The following CCSER1 variants were observed in gnomAD, a reference collection of about 807,000 sequenced individuals.
CCSER1 encodes coiled-coil serine rich protein 1, also known as serine-rich coiled-coil domain-containing protein 1.
A neutral mutation model predicts 82.0 loss-of-function variants in CCSER1; 41 were observed. The ratio of observed to expected loss-of-function variants is 0.50; its 90% confidence interval spans 0.39 to 0.65. The LOEUF (loss-of-function observed/expected upper bound fraction) is 0.65. Among genes scored for constraint, CCSER1 ranks in the 30% least tolerant of loss-of-function variants. CCSER1 has a pLI of 0.00. For missense variants in CCSER1, 1,119 were observed against 1,064.2 expected (o/e 1.05, Z -0.72); for synonymous variants, 414 against 383.9 (o/e 1.08, Z -0.92).
Position 91,284,878 on chromosome 4 carries a change from T to C in CCSER1, c.2217+198884T>C, listed in dbSNP as rs181966663. On this transcript the variant is annotated intron_variant, in intron 10 of 10. Transcript: ENST00000509176. ...GATGACATTCACTGAGAAGGATCCG[T>C]GAATCACTTCAACAAAAAATGCAGG... Among the ~76,000 whole-genome samples the C allele has an allele frequency of 5.8e-4, 88 of 152,192 alleles. 1 individual carries two copies. The highest frequency in any genetic ancestry group is 1.0e-4 in the Non-Finnish European group (7 of 67,980).
At chr4:91,482,271 A>G (rs3971342) in intron 10 of CCSER1, among the ~76,000 whole-genome samples, 54,476 of 73,604 alleles carry the variant, frequency 0.74, 21,009 homozygotes, top group East Asian at 0.88. Context: ...GCGCGGTGGC[A>G]GGCACCTGTA....
At chr4:90,964,740 A>AAC (rs1554051172) in intron 9 of CCSER1, among the ~76,000 whole-genome samples, 9 of 149,446 alleles carry the variant, frequency 6.0e-5, no homozygotes, top group Admixed American at 2.7e-4. Flanking sequence ...CCAAAAAAAA[A>AAC]AAAAAAAAAA....
At chr4:90,419,083 A>C (rs1756267310) in intron 4 of CCSER1, among the ~76,000 whole-genome samples, 1 of 152,006 alleles carries the variant, frequency 6.6e-6, no homozygotes, top group Non-Finnish European at 1.5e-5. Flanking sequence ...TACTGTTTCC[A>C]CTATAAAAGC....
chr4:90,227,578 A>G (rs1361615727), intron 1 of CCSER1, among the ~76,000 whole-genome samples: 1 of 152,226 alleles, frequency 6.6e-6, no homozygotes, highest in Non-Finnish European at 1.5e-5. Flanking sequence ...AGCAAGTAGC[A>G]TTAACATTGA....
chr4:90,897,459 GA>G (rs1175610634), intron 8 of CCSER1, among the ~76,000 whole-genome samples: 4 of 152,040 alleles, frequency 2.6e-5, no homozygotes, highest in Admixed American at 6.6e-5. Flanking sequence ...TTGCTGTGAA[GA>G]ACATAATTTC....
At chr4:91,568,501 G>T (rs750618537) in intron 10 of CCSER1, among the ~76,000 whole-genome samples, 2 of 151,868 alleles carry the variant, frequency 1.3e-5, no homozygotes, top group African/African-American at 2.4e-5. Flanking sequence ...CATTGATTTG[G>T]CCTCTTCATA....
chr4:91,144,758 AATTGC>A (rs1220343837), intron 10 of CCSER1, among the ~76,000 whole-genome samples: 1 of 151,722 alleles, frequency 6.6e-6, no homozygotes, highest in Non-Finnish European at 1.5e-5. Flanking sequence ...GTTTCTGTGT[AATTGC>A]ATGGTTTTTC....
intron 10 of CCSER1, among the ~76,000 whole-genome samples, chr4:91,364,778 A>G (rs529633402): frequency 2.0e-5 from 3 of 152,184 alleles, no homozygotes; most frequent in African/African-American, 2.4e-5. Context: ...AATTTTGGAG[A>G]TATTTATCAT....
chr4:91,305,354 T>C (rs1165702383), intron 10 of CCSER1, among the ~76,000 whole-genome samples: 1 of 152,008 alleles, frequency 6.6e-6, no homozygotes, highest in Non-Finnish European at 1.5e-5. Context: ...ATGCAAAATA[T>C]TTGTAGAAAA....
At chr4:91,091,241 C>T (rs549945483) in intron 10 of CCSER1, among the ~76,000 whole-genome samples, 4 of 152,250 alleles carry the variant, frequency 2.6e-5, no homozygotes, top group African/African-American at 7.2e-5. Context: ...TTACTTGTAT[C>T]ATTTATGAGT....
intron 4 of CCSER1, among the ~76,000 whole-genome samples, chr4:90,453,176 T>G (rs1486454609): frequency 2.6e-5 from 4 of 152,168 alleles, no homozygotes; most frequent in Non-Finnish European, 5.9e-5. Flanking sequence ...AATTCTTGAA[T>G]GCAAACAAAT....
intron 3 of CCSER1, among the ~76,000 whole-genome samples, chr4:90,379,517 TC>T (rs994314533): frequency 9.2e-5 from 14 of 152,148 alleles, no homozygotes; most frequent in African/African-American, 3.4e-4. Context: ...TGCAATGCTT[TC>T]CCACATGATT....
At chr4:90,444,245 G>T (rs1475240378) in intron 4 of CCSER1, among the ~76,000 whole-genome samples, 1 of 151,994 alleles carries the variant, frequency 6.6e-6, no homozygotes. Flanking sequence ...ACACGATATA[G>T]TACTATGGCC....
intron 10 of CCSER1, among the ~76,000 whole-genome samples, chr4:91,140,576 G>A (rs1204935579): frequency 6.6e-6 from 1 of 152,068 alleles, no homozygotes; most frequent in East Asian, 1.9e-4. Context: ...AATTCATTAT[G>A]TTTTATTAAA....
chr4:91,432,922 T>C (rs1385666322), intron 10 of CCSER1, among the ~76,000 whole-genome samples: 3 of 152,160 alleles, frequency 2.0e-5, no homozygotes, highest in Admixed American at 2.0e-4. Flanking sequence ...TAAAGAAATG[T>C]GTATTATGGA....
At chr4:90,558,652 T>G (rs1001876237) in intron 5 of CCSER1, among the ~76,000 whole-genome samples, 2 of 152,138 alleles carry the variant, frequency 1.3e-5, no homozygotes, top group South Asian at 4.1e-4. Context: ...TGATAGGTGT[T>G]TCAAAGATAA....
chr4:91,519,739 C>A (rs1331275069), intron 10 of CCSER1, among the ~76,000 whole-genome samples: 1 of 152,170 alleles, frequency 6.6e-6, no homozygotes, highest in Non-Finnish European at 1.5e-5. Flanking sequence ...TGGCTCTGTG[C>A]CACTCCTGGG....
intron 9 of CCSER1, chr4:90,938,614 A>T: frequency 3.1e-6 from 1 of 324,870 alleles, no homozygotes; most frequent in Non-Finnish European, 6.3e-6. Flanking sequence ...TATTCATATT[A>T]AGTAAAATTT....
At chr4:90,326,870 G>A (rs1738314584) in intron 3 of CCSER1, among the ~76,000 whole-genome samples, 1 of 152,126 alleles carries the variant, frequency 6.6e-6, no homozygotes, top group Non-Finnish European at 1.5e-5. Context: ...ATTTGTACAG[G>A]AGGAGCCATC....
Sources: gnomAD v4.1 joint callset for allele counts (sites outside exome capture counted in the v4.1 genomes callset) on GRCh38, gnomAD v4.1.1 for gene constraint, MANE v1.5 for transcripts, NCBI Gene and HGNC (gene_info 2026-07-23, HGNC 2026-07-21) for gene names.